The following PRKN variants were observed in gnomAD, a reference collection of about 807,000 sequenced individuals.
The protein encoded by PRKN is E3 ubiquitin-protein ligase parkin.
A neutral mutation model predicts 59.5 loss-of-function variants in PRKN; 56 were observed. The observed-to-expected ratio is 0.94, with a 90% CI of 0.76 to 1.18. PRKN has a LOEUF of 1.18. PRKN is among the 50% of genes most tolerant of loss of function. The pLI is 0.00. For missense variants in PRKN, 657 were observed against 596.4 expected, an observed-to-expected ratio of 1.10 and a Z score of -1.06; for synonymous variants, 250 against 222.1, an observed-to-expected ratio of 1.13 and a Z score of -1.12.
chr6:161,604,561 G>A (rs973428275), intron 7 of PRKN, among the ~76,000 whole-genome samples: 2 of 152,198 alleles, frequency 1.3e-5, no homozygotes, highest in Non-Finnish European at 2.9e-5. Context: ...CAGCATGGTT[G>A]CTCAACTTCA....
intron 6 of PRKN, among the ~76,000 whole-genome samples, chr6:161,871,834 T>C (rs1794352693): frequency 1.3e-5 from 2 of 152,174 alleles, no homozygotes; most frequent in South Asian, 4.1e-4. Context: ...ATCTGTGCTA[T>C]AAAACTCCCG....
intron 4 of PRKN, among the ~76,000 whole-genome samples, chr6:162,075,097 C>A (rs1216338791): frequency 6.6e-6 from 1 of 152,158 alleles, no homozygotes; most frequent in African/African-American, 2.4e-5. Flanking sequence ...CTGGCTGTTG[C>A]ATGGAGGAAA....
intron 1 of PRKN, among the ~76,000 whole-genome samples, chr6:162,479,188 T>A (rs1024093854): frequency 1.3e-5 from 2 of 151,992 alleles, no homozygotes; most frequent in Non-Finnish European, 2.9e-5. Flanking sequence ...TTACTCTATA[T>A]GCTGTTTTCC....
intron 2 of PRKN, among the ~76,000 whole-genome samples, chr6:162,369,226 C>T (rs1785618270): frequency 1.3e-5 from 2 of 152,136 alleles, no homozygotes; most frequent in Admixed American, 6.6e-5. Flanking sequence ...TCTTTTGTTG[C>T]TATTTTTATA....
intron 3 of PRKN, among the ~76,000 whole-genome samples, chr6:162,258,243 G>A (rs373792580): frequency 1.3e-5 from 2 of 152,186 alleles, no homozygotes; most frequent in African/African-American, 4.8e-5. Context: ...GAATAGCTCC[G>A]TTGAGGTAGG....
At chr6:162,537,348 G>A (rs1345030629) in intron 1 of PRKN, among the ~76,000 whole-genome samples, 1 of 152,152 alleles carries the variant, frequency 6.6e-6, no homozygotes, top group East Asian at 1.9e-4. Context: ...CTTCCAACAA[G>A]TATCACCACA....
intron 7 of PRKN, among the ~76,000 whole-genome samples, chr6:161,723,427 G>A (rs957661088): frequency 6.6e-6 from 1 of 152,026 alleles, no homozygotes; most frequent in African/African-American, 2.4e-5. Context: ...TTAGAGCAAG[G>A]ATCTTTGCAT....
rs768779161 is a variant in PRKN at position 161,973,417 on chromosome 6, C to G, written c.619G>C (p.Glu207Gln). 5.7e-6 allele frequency: 9 copies of G among 1,580,924 alleles called. No individual in the cohort carries two copies. Among genetic ancestry groups the G allele is most frequent in the South Asian group, 1.1e-5 (1 of 90,370 alleles). ...QSPHCPGTSA[E>Q]FFFKCGAHPT... is the part of the protein sequence containing the mutation. ...TGTGCTCCACATTTAAAGAAAAATTCCTGAAAGAAAGATAAATATGATCAC... is the reference window on the plus strand; with the variant it reads ...TGTGCTCCACATTTAAAGAAAAATTGCTGAAAGAAAGATAAATATGATCAC... The change falls in exon 6 of 12, where the codon GAA (glutamate) becomes CAA (glutamine). Residue 207 changes from glutamate to glutamine, a missense_variant and splice_region_variant. Physicochemically the swap from Glu to Gln is conservative, Grantham distance 29. Transcript: ENST00000366898.
chr6:162,674,093 T>C (rs1195883569), intron 1 of PRKN, among the ~76,000 whole-genome samples: 1 of 152,242 alleles, frequency 6.6e-6, no homozygotes, highest in Admixed American at 6.5e-5. Context: ...AAGAGCTCAA[T>C]GTATGCCAAA....
chr6:162,389,867 G>GTA (rs1787070449), intron 2 of PRKN, among the ~76,000 whole-genome samples: 1 of 152,188 alleles, frequency 6.6e-6, no homozygotes, highest in Non-Finnish European at 1.5e-5. Context: ...TTGCACTAGG[G>GTA]TAACAACCCC....
intron 4 of PRKN, among the ~76,000 whole-genome samples, chr6:162,088,911 CA>C (rs1779362731): frequency 6.6e-6 from 1 of 152,050 alleles, no homozygotes; most frequent in Non-Finnish European, 1.5e-5. Context: ...AAAATTAAGT[CA>C]AAATGGATAA....
At chr6:162,199,767 A>C (rs564407211) in intron 4 of PRKN, among the ~76,000 whole-genome samples, 1 of 152,298 alleles carries the variant, frequency 6.6e-6, no homozygotes, top group South Asian at 2.1e-4. Flanking sequence ...TGAAACACTG[A>C]ATCACAGCTT....
intron 8 of PRKN, among the ~76,000 whole-genome samples, chr6:161,559,075 C>CA (rs5881417): frequency 0.34 from 45,107 of 133,062 alleles, 8,116 homozygotes; most frequent in Middle Eastern, 0.48. Flanking sequence ...AACCAGTAAA[C>CA]AAAAAAAACA....
rs74343344 is a variant in PRKN at position 161,487,337 on chromosome 6, C to G, written c.1083+61517G>C. 3.1e-4 allele frequency among the ~76,000 whole-genome samples: 47 copies of G among 152,328 alleles called. No individual in the cohort carries two copies. The highest frequency in any genetic ancestry group is 1.1e-3 in the African/African-American group (47 of 41,566). ...CCTGGTTCAGATCACACTACTGTCT[C>G]CTTCCTATACTGCCCCTTCGCCCAT... On this transcript the variant is annotated intron_variant, in intron 9 of 11. Transcript: ENST00000366898. The surrounding 1 kb of genome is among the most constrained non-coding windows in gnomAD (Gnocchi z 5.3).
At chr6:161,796,197 C>T (rs1790841491) in intron 6 of PRKN, among the ~76,000 whole-genome samples, 1 of 152,092 alleles carries the variant, frequency 6.6e-6, no homozygotes, top group African/African-American at 2.4e-5. Flanking sequence ...CTGGAAGATA[C>T]CCATTTGCCT....
At chr6:161,956,529 G>C (rs550151520) in intron 6 of PRKN, among the ~76,000 whole-genome samples, 20 of 152,100 alleles carry the variant, frequency 1.3e-4, no homozygotes, top group African/African-American at 3.9e-4. Flanking sequence ...GCATTCCACT[G>C]TATTTATGGA....
chr6:162,641,682 A>T (rs1417803024), intron 1 of PRKN, among the ~76,000 whole-genome samples: 7 of 152,232 alleles, frequency 4.6e-5, no homozygotes, highest in Admixed American at 4.6e-4. Context: ...CTCTGCAGGT[A>T]AAGAATGATC....
intron 1 of PRKN, among the ~76,000 whole-genome samples, chr6:162,462,140 T>G (rs565985616): frequency 6.6e-6 from 1 of 152,322 alleles, no homozygotes; most frequent in South Asian, 2.1e-4. Flanking sequence ...TTTAACGAGC[T>G]AAATTTTCTA....
chr6:161,481,436 C>G (rs899674479), intron 9 of PRKN, among the ~76,000 whole-genome samples: 3 of 152,048 alleles, frequency 2.0e-5, no homozygotes, highest in Non-Finnish European at 4.4e-5. Context: ...AACCCCATCT[C>G]TACTAAAAAT....
Sources: allele counts gnomAD v4.1 joint callset (sites outside exome capture counted in the v4.1 genomes callset), GRCh38; gene constraint gnomAD v4.1.1; non-coding constraint Gnocchi (gnomAD v3.1); transcripts MANE v1.5; gene names NCBI Gene and HGNC (gene_info 2026-07-23, HGNC 2026-07-21).